SGO1: variants seen among roughly 807,000 people sequenced by gnomAD.
SGO1 encodes the protein serologically defined breast cancer antigen NY-BR-85.
Under a neutral mutation model 50.5 loss-of-function variants are expected in SGO1, and 39 were observed. The ratio of observed to expected loss-of-function variants is 0.77; its 90% CI spans 0.60 to 1.01. The LOEUF is 1.01. Ranked by LOEUF, SGO1 falls within the 50% of genes least tolerant of loss-of-function variation. The pLI, the probability that SGO1 is intolerant of heterozygous loss-of-function variation, is 0.00. For synonymous variants in SGO1, 191 were observed against 205.1 expected (o/e 0.93, Z 0.59); for missense variants, 638 against 606.0 (o/e 1.05, Z -0.55).
chr3:20,164,550 C>T (rs941608407), downstream of SGO1, among the ~76,000 whole-genome samples: 1 of 152,074 alleles, frequency 6.6e-6, no homozygotes, highest in African/African-American at 2.4e-5. Context: ...CTCTTCTCAC[C>T]CCTATTCAAC....
chr3:20,186,858 TCTG>T (rs1194102793), upstream of SGO1, among the ~76,000 whole-genome samples: 1 of 152,164 alleles, frequency 6.6e-6, no homozygotes. Flanking sequence ...TCTTCTCAAC[TCTG>T]CTTTCCAAGT....
chr3:20,172,485 G>A (rs1355066141), intron 6 of SGO1, among the ~76,000 whole-genome samples: 4 of 124,670 alleles, frequency 3.2e-5, no homozygotes, highest in African/African-American at 1.3e-4. Flanking sequence ...TGGGCAACAA[G>A]AGTGAAACTC....
chr3:20,168,469 T>C (rs1319813619), downstream of SGO1, among the ~76,000 whole-genome samples: 1 of 151,852 alleles, frequency 6.6e-6, no homozygotes, highest in East Asian at 1.9e-4. Flanking sequence ...GTAAAAACTA[T>C]TCTTAGGTTG....
chr3:20,166,239 T>C (rs1471583304), downstream of SGO1, among the ~76,000 whole-genome samples: 1 of 152,142 alleles, frequency 6.6e-6, no homozygotes, highest in Non-Finnish European at 1.5e-5. Context: ...GGAAATCACA[T>C]ATCTGATAAG....
At chr3:20,161,111 C>T (rs1700013102) in exon 9 of SGO1, 1 of 1,613,778 alleles carries the variant, frequency 6.2e-7, no homozygotes. Flanking sequence ...GACTTTACCT[C>T]AAGCAGATGT....
In SGO1 at chr3:20,174,802, G is replaced by T. The variant is rs1701190492; in HGVS notation, c.729C>A (p.His243Gln). Residue 243 changes from histidine to glutamine, a missense_variant, in exon 6 of 8, where the codon CAC becomes CAA. By Grantham distance (24) the His-to-Gln change is conservative (BLOSUM62 0). Transcript: ENST00000412997. ...GGTCCTTGCTCCATTGACAAGCATT[G>T]TGTTGTACATTTTCAGGTATGTGCA... ...VNMHIPENVQ[H>Q]NACQWSKDQV... 4.3e-6 allele frequency: 7 copies of T among 1,614,046 alleles called. No homozygotes were observed. Among genetic ancestry groups the T allele is most frequent in the Non-Finnish European group, 5.9e-6 (7 of 1,180,006 alleles).
At chr3:20,180,528 G>A (rs1701894886) in intron 3 of SGO1, among the ~76,000 whole-genome samples, 1 of 152,120 alleles carries the variant, frequency 6.6e-6, no homozygotes, top group South Asian at 2.1e-4. Flanking sequence ...AATATTCCAG[G>A]AATAAAGTTG....
chr3:20,180,682 T>C (rs972163526), intron 3 of SGO1, among the ~76,000 whole-genome samples: 1 of 152,188 alleles, frequency 6.6e-6, no homozygotes, highest in African/African-American at 2.4e-5. Context: ...GATTTGCAGA[T>C]CTCTGTTATG....
chr3:20,183,902 T>C lies in SGO1; in HGVS notation c.126A>G (p.Ala42=), dbSNP rs1702319462. The C allele has an allele frequency of 6.2e-7, 1 of 1,610,026 alleles. No individual in the cohort carries two copies. The highest frequency in any genetic ancestry group is 8.5e-7 in the Non-Finnish European group (1 of 1,179,086). The stretch of plus-strand genomic sequence containing the variant: ...ATCTCTTACTGATTATTTGGCATGG[T>C]GCAGCTATAAAAGACCTGCGTTTGC... ...EIGKRRSFIA[A]PCQIITNTST... The change falls in exon 2 of 8, where the codon GCA becomes GCG. Residue 42 remains alanine (A), a synonymous_variant. Transcript: ENST00000412997.
In SGO1 at chr3:20,183,696, T is replaced by G. The variant is rs1017460980; in HGVS notation, c.251A>C (p.Gln84Pro). 4.3e-6 allele frequency: 7 copies of G among 1,613,262 alleles called. No homozygotes were observed. The highest frequency in any genetic ancestry group is 5.9e-6 in the Non-Finnish European group (7 of 1,179,818). The change falls in exon 3 of 8, where the codon CAG (glutamine) becomes CCG (proline). Residue 84 changes from glutamine (Q) to proline (P), a missense_variant. Coordinates refer to ENST00000412997, the MANE Select transcript of SGO1 (RefSeq NM_001199251.3). ...GAGATAGTAACATTCTTTTCTCAGC[T>G]GTAGGATGATATCTTGGGCTTCTTT... ...KVKEAQDIIL[Q>P]LRKECYYLTC...
rs1365592602 is a variant in SGO1 at position 20,174,326 on chromosome 3, C to T, written c.1205G>A (p.Arg402Lys). Residue 402 changes from arginine to lysine, a missense_variant, in exon 6 of 8, where the codon AGG (arginine) becomes AAG (lysine). Physicochemically the swap from Arg to Lys is conservative, Grantham distance 26. Coordinates refer to ENST00000412997, the MANE Select transcript of SGO1 (RefSeq NM_001199251.3). ...TTTCAGTGCTCTTTTAGCTAGAGGC[C>T]TGGTGACTGGTCTATCTGAATTGCT... ...PTSNSDRPVT[R>K]PLAKRALKYT... 2 of 1,614,178 alleles carry T rather than the reference C, an allele frequency of 1.2e-6. No individual in the cohort carries two copies. The highest frequency in any genetic ancestry group is 2.2e-5 in the East Asian group (1 of 44,876).
intron 3 of SGO1, among the ~76,000 whole-genome samples, chr3:20,178,893 A>G (rs762741787): frequency 6.6e-6 from 1 of 152,188 alleles, no homozygotes; most frequent in Non-Finnish European, 1.5e-5. Context: ...GTATGATGGG[A>G]AGGTACTTAA....
intron 6 of SGO1, among the ~76,000 whole-genome samples, chr3:20,172,814 A>G (rs1445333510): frequency 6.6e-6 from 1 of 151,270 alleles, no homozygotes; most frequent in African/African-American, 2.4e-5. Flanking sequence ...AAAAAAAAAA[A>G]AATTAGCCAG....
chr3:20,170,988 T>G, intron 7 of SGO1, 55 bp downstream of exon 7: 1 of 1,518,032 alleles, frequency 6.6e-7, no homozygotes, highest in Non-Finnish European at 8.8e-7. Context: ...CTCCATAACC[T>G]TATTCCCCCC....
Position 20,174,950 on chromosome 3 carries a change from C to T in SGO1, c.581G>A (p.Ser194Asn), listed in dbSNP as rs772789559. 6.2e-7 allele frequency: 1 copy of T among 1,613,876 alleles called. No individual in the cohort carries two copies. Among genetic ancestry groups the T allele is most frequent in the Non-Finnish European group, 8.5e-7 (1 of 1,179,946 alleles). The change falls in exon 6 of 8, where the codon AGT becomes AAT. Residue 194 changes from serine to asparagine, a missense_variant. Physicochemically the swap from Ser to Asn is conservative, Grantham distance 46 (BLOSUM62 1). Coordinates refer to ENST00000412997, the MANE Select transcript of SGO1 (RefSeq NM_001199251.3). ...TATACTGTTACAATGTTTCTTTAAA[C>T]TGCTACGAACAGATACAGTTCTAGG... ...VLPRTVSVRS[S>N]LKKHCNSICQ...
At chr3:20,181,447 G>A (rs1248703125) in intron 3 of SGO1, among the ~76,000 whole-genome samples, 2 of 152,196 alleles carry the variant, frequency 1.3e-5, no homozygotes, top group Admixed American at 6.5e-5. Flanking sequence ...TGAAGCACGG[G>A]TGTACAATGA....
intron 5 of SGO1, among the ~76,000 whole-genome samples, chr3:20,175,266 G>T (rs1267902780): frequency 6.6e-6 from 1 of 152,194 alleles, no homozygotes; most frequent in Non-Finnish European, 1.5e-5. Flanking sequence ...TATCTGACAT[G>T]TGAAAGAATC....
chr3:20,172,889 C>T (rs1410701160), intron 6 of SGO1, among the ~76,000 whole-genome samples: 1 of 151,870 alleles, frequency 6.6e-6, no homozygotes, highest in Non-Finnish European at 1.5e-5. Flanking sequence ...TCACTTGAGC[C>T]TGGGAGGTTG....
downstream of SGO1, chr3:20,168,911 G>T (rs1001584591): frequency 1.0e-6 from 1 of 983,980 alleles, no homozygotes; most frequent in Admixed American, 6.2e-5. Flanking sequence ...GGGATTACAG[G>T]TGTTAGTAGT....
Sources: allele counts gnomAD v4.1 joint callset (sites outside exome capture counted in the v4.1 genomes callset), GRCh38; gene constraint gnomAD v4.1.1; transcripts MANE v1.5; gene names NCBI Gene and HGNC (gene_info 2026-07-23, HGNC 2026-07-21).